HFM1: variants seen among roughly 807,000 people sequenced by gnomAD.
HFM1 encodes the protein probable ATP-dependent DNA helicase HFM1.
A neutral mutation model predicts 192.1 loss-of-function variants in HFM1; 169 were observed. The ratio of observed to expected loss-of-function variants is 0.88; its 90% confidence interval spans 0.78 to 1.00. HFM1 has a LOEUF of 1.00. Ranked by LOEUF, HFM1 falls within the 50% of genes least tolerant of loss-of-function variation. HFM1 has a pLI of 0.00. For synonymous variants in HFM1, 525 were observed against 537.8 expected (o/e 0.98, Z 0.33); for missense variants, 1,661 against 1,668.0 (o/e 1.00, Z 0.07).
chr1:91,355,196 A>T (rs1042698061), intron 13 of HFM1, among the ~76,000 whole-genome samples: 9 of 152,136 alleles, frequency 5.9e-5, no homozygotes, highest in African/African-American at 2.2e-4. Flanking sequence ...GGTAACTGCA[A>T]AGCAAGAAGC....
rs1651126537 is a variant in HFM1, at chr1:91,315,899, G to C, written c.3056C>G (p.Thr1019Ser). 6.2e-7 allele frequency: 1 copy of C among 1,606,404 alleles called. No individual in the cohort carries two copies. The highest frequency in any genetic ancestry group is 8.5e-7 in the Non-Finnish European group (1 of 1,173,460). Residue 1019 changes from threonine to serine, a missense_variant, in exon 28 of 39, where the codon ACT becomes AGT. Thr to Ser is a moderately conservative substitution (Grantham distance 58). Coordinates refer to ENST00000370425, the MANE Select transcript of HFM1 (RefSeq NM_001017975.6). ...VILRNFEQLQ[T>S]KRTASDSHYV... is the part of the protein sequence containing the mutation. ...GTGAGAATCCGATGCTGTTCTTTTA[G>C]TTTGTAGCTGTTCAAAATTTCTTAA... is the stretch of plus-strand genomic sequence containing the variant.
At chr1:91,373,340 T>A (rs567590945) in intron 13 of HFM1, among the ~76,000 whole-genome samples, 1 of 152,228 alleles carries the variant, frequency 6.6e-6, no homozygotes, top group Non-Finnish European at 1.5e-5. Flanking sequence ...TATCTGCTCA[T>A]ATCCACATGT....
At position 91,352,544 on chromosome 1, in the gene HFM1, C is replaced by A. The variant is rs1439742058; in HGVS notation, c.1939G>T (p.Asp647Tyr). The change falls in exon 16 of 39, where the codon GAT (aspartate) becomes TAT (tyrosine). Residue 647 changes from aspartate (D) to tyrosine (Y), a missense_variant. Coordinates refer to ENST00000370425, the MANE Select transcript of HFM1 (RefSeq NM_001017975.6). ...GGLFEEYSET[D>Y]ILQMIGRAGR... Reference sequence around the variant, plus strand: ...GCTCTACCAATCATCTGTAGAATATCTGTTTCACTGTACTCTTCAAACAGT... The same window carrying A: ...GCTCTACCAATCATCTGTAGAATATATGTTTCACTGTACTCTTCAAACAGT... 2 of 1,608,092 alleles carry A rather than the reference C, an allele frequency of 1.2e-6. No homozygotes were observed. Among genetic ancestry groups the A allele is most frequent in the Non-Finnish European group, 1.7e-6 (2 of 1,176,910 alleles).
intron 34 of HFM1, among the ~76,000 whole-genome samples, chr1:91,272,120 T>TC (rs1666362122): frequency 6.6e-6 from 1 of 152,116 alleles, no homozygotes; most frequent in Admixed American, 6.5e-5. Context: ...TTAAAGTATG[T>TC]TTTGCCACCA....
At chr1:91,316,701 AAGAAAG>A (rs1437210124) in intron 25 of HFM1, among the ~76,000 whole-genome samples, 1 of 152,224 alleles carries the variant, frequency 6.6e-6, no homozygotes, top group African/African-American at 2.4e-5. Context: ...TGCTTTATAA[AAGAAAG>A]AGAAACTCTG....
intron 30 of HFM1, among the ~76,000 whole-genome samples, chr1:91,312,668 G>C (rs1570911825): frequency 6.6e-6 from 1 of 152,204 alleles, no homozygotes; most frequent in Non-Finnish European, 1.5e-5. Context: ...GTGGACTTTT[G>C]GGTTAATGCT....
At chr1:91,398,073 T>A (rs1057003508) in intron 2 of HFM1, among the ~76,000 whole-genome samples, 1 of 152,196 alleles carries the variant, frequency 6.6e-6, no homozygotes, top group South Asian at 2.1e-4. Flanking sequence ...GAAGGGATCT[T>A]CCTGAAATCT....
intron 34 of HFM1, among the ~76,000 whole-genome samples, chr1:91,272,023 C>T (rs1666352658): frequency 1.3e-5 from 2 of 152,040 alleles, no homozygotes; most frequent in African/African-American, 4.8e-5. Context: ...GACATTTTTT[C>T]TTCTTCCCTT....
intron 4 of HFM1, among the ~76,000 whole-genome samples, chr1:91,388,159 T>C (rs1439301133): frequency 1.3e-5 from 2 of 152,102 alleles, no homozygotes; most frequent in East Asian, 1.9e-4. Context: ...AATAAGCTGG[T>C]AAATGTAAGT....
rs190134602 is a variant in HFM1, at chr1:91,313,792, T to C, written c.3244+165A>G. Among the ~76,000 whole-genome samples the C allele has an allele frequency of 2.2e-3, 334 of 152,248 alleles. 1 individual carries two copies. Among genetic ancestry groups the C allele is most frequent in the African/African-American group, 7.5e-3 (311 of 41,572 alleles). ...CATCTGGTCCATGTTATGTTTTACA[T>C]ATCTAAATACATGAAACTTCCTTTG... On this transcript the variant is annotated intron_variant, in intron 29 of 38. Coordinates refer to ENST00000370425, the MANE Select transcript of HFM1 (RefSeq NM_001017975.6).
At chr1:91,329,842 G>A (rs1383716856) in intron 20 of HFM1, among the ~76,000 whole-genome samples, 1 of 152,170 alleles carries the variant, frequency 6.6e-6, no homozygotes, top group Non-Finnish European at 1.5e-5. Flanking sequence ...GAGATAAAAG[G>A]GGGAGACAAA....
chr1:91,277,851 A>G (rs1159457769), intron 30 of HFM1, among the ~76,000 whole-genome samples: 6 of 120,772 alleles, frequency 5.0e-5, no homozygotes, highest in African/African-American at 1.9e-4. Context: ...ACTAATATAT[A>G]TTATATATAC....
chr1:91,273,712 C>T lies in HFM1; in HGVS notation c.3772G>A (p.Glu1258Lys), dbSNP rs758233903. The change falls in exon 34 of 39, where the codon GAA (glutamate) becomes AAA (lysine). Residue 1258 changes from glutamate to lysine, a missense_variant and splice_region_variant. Glu to Lys is a moderately conservative substitution (Grantham distance 56). Transcript: ENST00000370425. ...CAAGTAAGTATCAATGGTAATTTAC[C>T]TTTGTCTTGATATTCAGATGGTTCT... ...RQEPSEYQDKEVLNVNFELGN... is the reference protein window; with the variant it reads ...RQEPSEYQDKKVLNVNFELGN... 25 of 1,504,800 alleles carry T rather than the reference C, an allele frequency of 1.7e-5. No homozygotes were observed. In the South Asian group the frequency reaches 2.7e-4, roughly 16 times the overall value. The allele number at this position is 1,504,800 out of a possible 1,614,324, so 93.2% of individuals were successfully genotyped here.
intron 11 of HFM1, among the ~76,000 whole-genome samples, chr1:91,376,933 A>C (rs906152241): frequency 1.3e-5 from 2 of 151,788 alleles, no homozygotes; most frequent in Admixed American, 1.3e-4. Context: ...GGAAATAATC[A>C]TGGATGTTTC....
At chr1:91,349,221 G>C (rs1212404506) in intron 18 of HFM1, among the ~76,000 whole-genome samples, 3 of 151,904 alleles carry the variant, frequency 2.0e-5, no homozygotes, top group African/African-American at 7.3e-5. Flanking sequence ...CTGTGAGGTG[G>C]AGATTGCAGT....
At chr1:91,358,837 C>T (rs1658088502) in intron 13 of HFM1, among the ~76,000 whole-genome samples, 2 of 152,136 alleles carry the variant, frequency 1.3e-5, no homozygotes, top group South Asian at 2.1e-4. Context: ...GGGTTTCCAG[C>T]CACCTCCTAA....
chr1:91,351,612 G>A lies in HFM1; in HGVS notation c.2009C>T (p.Thr670Ile), dbSNP rs1446118367. The change falls in exon 17 of 39, where the codon ACT becomes ATT. Residue 670 changes from threonine to isoleucine, a missense_variant. Physicochemically the swap from Thr to Ile is moderately conservative, Grantham distance 89. Transcript: ENST00000370425. ...GTACTTGTCCCTTGTGCTTAATCGAGTCATGATAACTGCAGTAGCTGTAGT... is the reference window on the plus strand; with the variant it reads ...GTACTTGTCCCTTGTGCTTAATCGAATCATGATAACTGCAGTAGCTGTAGT... Reference protein sequence around the residue: ...FDTTATAVIMTRLSTRDKYIQ... With the variant: ...FDTTATAVIMIRLSTRDKYIQ... 6.2e-7 allele frequency: 1 copy of A among 1,601,850 alleles called. No homozygotes were observed. Among genetic ancestry groups the A allele is most frequent in the Non-Finnish European group, 8.5e-7 (1 of 1,172,912 alleles).
chr1:91,354,131 C>T (rs282063), intron 13 of HFM1, among the ~76,000 whole-genome samples: 151,697 of 151,880 alleles, frequency 1, 75,757 homozygotes, highest in Non-Finnish European at 1. Flanking sequence ...ATTATCTGCA[C>T]AAGAAAGTTA....
At chr1:91,299,195 T>C (rs1413203803) in intron 30 of HFM1, among the ~76,000 whole-genome samples, 1 of 151,474 alleles carries the variant, frequency 6.6e-6, no homozygotes, top group Admixed American at 6.6e-5. Flanking sequence ...ACAAAGGCCA[T>C]TATAATGGTA....
Sources: allele counts gnomAD v4.1 joint callset (sites outside exome capture counted in the v4.1 genomes callset), GRCh38; gene constraint gnomAD v4.1.1; transcripts MANE v1.5; gene names NCBI Gene and HGNC (gene_info 2026-07-23, HGNC 2026-07-21).